PALS2: variants seen among roughly 807,000 people sequenced by gnomAD.
The protein encoded by PALS2 is protein associated with LIN7 2, MAGUK p55 family member.
PALS2 carries 27 observed loss-of-function variants against 61.6 expected under a neutral mutation model. The ratio of observed to expected loss-of-function variants is 0.44; its 90% confidence interval spans 0.32 to 0.60. PALS2 has a LOEUF of 0.60. PALS2 is among the 20% of genes least tolerant of loss of function. The probability of loss-of-function intolerance (pLI) is 0.05; values close to 1 mark genes in which losing one functional copy is unlikely to be tolerated. For missense variants in PALS2, 554 were observed against 639.4 expected, an observed-to-expected ratio of 0.87 and a Z score of 1.44; for synonymous variants, 236 against 218.6, an observed-to-expected ratio of 1.08 and a Z score of -0.70.
chr7:24,669,355 A>G (rs1787186507), intron 9 of PALS2, among the ~76,000 whole-genome samples: 1 of 152,226 alleles, frequency 6.6e-6, no homozygotes, highest in Non-Finnish European at 1.5e-5. Flanking sequence ...AAGGAATTGG[A>G]TGATGTTAGT....
At chr7:24,659,937 C>T (rs550685959) in intron 5 of PALS2, among the ~76,000 whole-genome samples, 1 of 152,200 alleles carries the variant, frequency 6.6e-6, no homozygotes, top group Non-Finnish European at 1.5e-5. Flanking sequence ...CCAGGTCTCC[C>T]AGTTCATCTC....
intron 1 of PALS2, among the ~76,000 whole-genome samples, chr7:24,603,574 C>T (rs1471654790): frequency 6.6e-6 from 1 of 152,136 alleles, no homozygotes; most frequent in Admixed American, 6.6e-5. Context: ...TTTCCCAGTC[C>T]ATCACAGCTC....
chr7:24,652,391 A>T (rs563904478), intron 5 of PALS2, among the ~76,000 whole-genome samples: 3 of 152,202 alleles, frequency 2.0e-5, no homozygotes, highest in Non-Finnish European at 4.4e-5. Flanking sequence ...AAGGACATTT[A>T]GCCTTGTTTA....
intron 2 of PALS2, among the ~76,000 whole-genome samples, chr7:24,632,941 A>G (rs1439502891): frequency 2.0e-5 from 3 of 152,108 alleles, no homozygotes; most frequent in Non-Finnish European, 4.4e-5. Flanking sequence ...ATTTTGCAGT[A>G]TACGTTTGCA....
intron 2 of PALS2, among the ~76,000 whole-genome samples, chr7:24,625,659 C>T (rs942050700): frequency 6.6e-6 from 1 of 152,038 alleles, no homozygotes; most frequent in African/African-American, 2.4e-5. Context: ...TGATTTTATG[C>T]CATTGATGTT....
chr7:24,663,836 A>G, intron 6 of PALS2, 115 bp downstream of exon 6: 1 of 1,277,990 alleles, frequency 7.8e-7, no homozygotes, highest in Non-Finnish European at 1.1e-6. Context: ...TTTTTCCCAC[A>G]TGAACAGCTC....
At chr7:24,622,706 G>C (rs1320723487) in intron 1 of PALS2, among the ~76,000 whole-genome samples, 1 of 139,924 alleles carries the variant, frequency 7.1e-6, no homozygotes. Context: ...TTGCTTAACA[G>C]CCCTGTCTAG....
intron 1 of PALS2, among the ~76,000 whole-genome samples, chr7:24,608,316 A>G (rs1294175389): frequency 6.6e-6 from 1 of 152,032 alleles, no homozygotes; most frequent in Non-Finnish European, 1.5e-5. Flanking sequence ...GATTTGGGCC[A>G]TTTTCATTCC....
At chr7:24,588,195 A>T (rs901958022) in intron 1 of PALS2, among the ~76,000 whole-genome samples, 1 of 152,200 alleles carries the variant, frequency 6.6e-6, no homozygotes, top group Non-Finnish European at 1.5e-5. Flanking sequence ...GTTTGGAGAC[A>T]TAGGTCAATT....
chr7:24,684,445 A>G (rs116293429), intron 11 of PALS2, among the ~76,000 whole-genome samples: 2,484 of 152,238 alleles, frequency 0.016, 80 homozygotes, highest in African/African-American at 0.057. Flanking sequence ...AGTCTTTTTA[A>G]CATGATTCTA....
rs182990514 is a variant in PALS2, at chr7:24,642,035, A to G, written c.270+167A>G. ...TAATGTCCTCATATGCTGAGGATAT[A>G]TAAAGAGACATATGTAACAATAATG... On this transcript the variant is annotated intron_variant, in intron 3 of 11. Transcript: ENST00000222644. Among the ~76,000 whole-genome samples, 7 of 152,356 alleles carry G rather than the reference A, an allele frequency of 4.6e-5. No homozygotes were observed. In the East Asian group the frequency reaches 1.3e-3, roughly 29 times the overall value.
chr7:24,649,988 A>G (rs1786056211), intron 4 of PALS2, among the ~76,000 whole-genome samples: 3 of 152,036 alleles, frequency 2.0e-5, no homozygotes, highest in African/African-American at 7.3e-5. Flanking sequence ...AAATATGGCA[A>G]GGGGTAGCAA....
chr7:24,587,263 G>A (rs1304539674), intron 1 of PALS2, among the ~76,000 whole-genome samples: 4 of 151,994 alleles, frequency 2.6e-5, no homozygotes, highest in African/African-American at 9.7e-5. Context: ...ATGAGTGTGG[G>A]TACTGTCATA....
At chr7:24,625,272 T>G (rs982628774) in intron 2 of PALS2, among the ~76,000 whole-genome samples, 1 of 152,186 alleles carries the variant, frequency 6.6e-6, no homozygotes, top group South Asian at 2.1e-4. Flanking sequence ...TGTCAGTTAT[T>G]GTCCATGTAG....
intron 9 of PALS2, among the ~76,000 whole-genome samples, chr7:24,670,489 T>C (rs763768649): frequency 1.6e-4 from 25 of 152,298 alleles, no homozygotes; most frequent in Middle Eastern, 3.4e-3. Context: ...CTGGATCCCA[T>C]TCTTTCTCTT....
intron 3 of PALS2, among the ~76,000 whole-genome samples, chr7:24,643,351 C>G (rs896493706): frequency 6.6e-6 from 1 of 151,994 alleles, no homozygotes; most frequent in South Asian, 2.1e-4. Context: ...AATAAAAATA[C>G]AAAAATGAAG....
intron 1 of PALS2, among the ~76,000 whole-genome samples, chr7:24,581,468 T>C (rs1019519756): frequency 5.9e-5 from 9 of 152,194 alleles, no homozygotes; most frequent in Non-Finnish European, 1.3e-4. Context: ...GAGACTATTA[T>C]TCAGCCTACC....
intron 1 of PALS2, among the ~76,000 whole-genome samples, chr7:24,599,505 C>CG (rs1219747892): frequency 2.6e-5 from 3 of 116,612 alleles, no homozygotes; most frequent in African/African-American, 1.0e-4. Context: ...CTTCTATAAG[C>CG]TTTTTTTTTT....
chr7:24,690,091 A>G lies in PALS2; in HGVS notation c.*2477A>G, dbSNP rs924705278. On this transcript the variant is annotated 3_prime_UTR_variant, in exon 12 of 12. Transcript: ENST00000222644. ...ATGATTGACTACTTAATTAATGCAC[A>G]TTAGATTTCTCCTAATATAAAATGA... 6.6e-6 allele frequency: 1 copy of G among 152,246 alleles called. No homozygotes were observed. Among genetic ancestry groups the G allele is most frequent in the African/African-American group, 2.4e-5 (1 of 41,462 alleles). 9.4% of individuals were successfully genotyped at this position (152,246 alleles called of 1,614,324 possible).
Sources: allele counts gnomAD v4.1 joint callset (sites outside exome capture counted in the v4.1 genomes callset), GRCh38; gene constraint gnomAD v4.1.1; transcripts MANE v1.5; gene names NCBI Gene and HGNC (gene_info 2026-07-23, HGNC 2026-07-21).